Variants in DDX4 observed in about 807,000 individuals in gnomAD.
The protein encoded by DDX4 is DEAD-box helicase 4.
Under a neutral mutation model 100.0 loss-of-function variants are expected in DDX4, and 25 were observed. That is an observed-to-expected ratio of 0.25 (90% CI 0.18 to 0.35). DDX4 has a LOEUF of 0.35. DDX4 is among the 10% of genes least tolerant of loss of function. The probability of loss-of-function intolerance (pLI) is 1.00; values close to 1 mark genes in which losing one functional copy is unlikely to be tolerated. For synonymous variants in DDX4, 259 were observed against 275.7 expected (o/e 0.94, Z 0.60); for missense variants, 635 against 882.4 (o/e 0.72, Z 3.55).
intron 7 of DDX4, among the ~76,000 whole-genome samples, chr5:55,771,044 T>C (rs866003846): frequency 1.3e-5 from 2 of 152,198 alleles, no homozygotes; most frequent in Non-Finnish European, 1.5e-5. Context: ...TTTTGCAGGG[T>C]ATCCCTGATT....
At chr5:55,759,102 G>A (rs189923021) in intron 3 of DDX4, among the ~76,000 whole-genome samples, 226 of 151,826 alleles carry the variant, frequency 1.5e-3, no homozygotes, top group African/African-American at 5.3e-3. Context: ...TGTTGCCCAG[G>A]CTGGTCTCAA....
intron 18 of DDX4, among the ~76,000 whole-genome samples, chr5:55,807,451 T>C (rs1743806845): frequency 6.6e-6 from 1 of 152,224 alleles, no homozygotes; most frequent in Non-Finnish European, 1.5e-5. Flanking sequence ...GTTTTTGCAG[T>C]GGCTGGTACC....
intron 17 of DDX4, among the ~76,000 whole-genome samples, chr5:55,793,023 AGT>A (rs10551567): frequency 0.041 from 5,884 of 144,404 alleles, 268 homozygotes; most frequent in African/African-American, 0.12. Flanking sequence ...TTATTTAAAA[AGT>A]GTGTGTGTGT....
Position 55,786,647 on chromosome 5 carries a change from G to T in DDX4, c.994G>T (p.Ala332Ser). Residue 332 changes from alanine (A) to serine (S), a missense_variant, in exon 14 of 22, where the codon GCT becomes TCT. This residue lies in a region of DDX4 where 446 missense variants were observed against 540.8 expected (regional missense o/e 0.82). Transcript: ENST00000505374. The stretch of plus-strand genomic sequence containing the variant: ...TGCAGGACGAGATTTGATGGCTTGC[G>T]CTCAAACAGGGTCTGGGAAGACTGT... ...ILAGRDLMAC[A>S]QTGSGKTAAF... 6.2e-7 allele frequency: 1 copy of T among 1,613,214 alleles called. No individual in the cohort carries two copies. The highest frequency in any genetic ancestry group is 8.5e-7 in the Non-Finnish European group (1 of 1,179,332).
At chr5:55,770,783 G>C (rs2111885990) in intron 7 of DDX4, among the ~76,000 whole-genome samples, 1 of 152,142 alleles carries the variant, frequency 6.6e-6, no homozygotes. Context: ...AGAAAGTTAA[G>C]CTAAGAAAAA....
At chr5:55,781,222 A>G (rs1741892258) in intron 9 of DDX4, 76 bp downstream of exon 9, 3 of 1,219,030 alleles carry the variant, frequency 2.5e-6, no homozygotes, top group Admixed American at 4.4e-5. Flanking sequence ...AACCTAATAT[A>G]TATGTTAAAG....
intron 2 of DDX4, 118 bp from the exon 3 acceptor site, chr5:55,746,046 C>G (rs561482823): frequency 1.3e-5 from 10 of 741,096 alleles, no homozygotes; most frequent in Middle Eastern, 3.8e-4. Context: ...ACCTTACAGT[C>G]TATCATTATT....
At chr5:55,775,132 A>T (rs61552102) in intron 7 of DDX4, among the ~76,000 whole-genome samples, 36,047 of 152,016 alleles carry the variant, frequency 0.24, 4,779 homozygotes, top group East Asian at 0.43. Context: ...GTCCTGTCGT[A>T]TTTGGCTTAT....
intron 17 of DDX4, among the ~76,000 whole-genome samples, chr5:55,793,150 A>C (rs1742699985): frequency 6.6e-6 from 1 of 152,032 alleles, no homozygotes; most frequent in Non-Finnish European, 1.5e-5. Context: ...CCTTCTTTTC[A>C]AACCTAAATC....
At chr5:55,744,118 A>G (rs370896097) in intron 2 of DDX4, among the ~76,000 whole-genome samples, 2 of 152,286 alleles carry the variant, frequency 1.3e-5, no homozygotes, top group East Asian at 3.9e-4. Flanking sequence ...TGTGCCCTTA[A>G]TGATGACTCG....
At chr5:55,804,101 T>A (rs1743526582) in intron 18 of DDX4, among the ~76,000 whole-genome samples, 1 of 152,130 alleles carries the variant, frequency 6.6e-6, no homozygotes, top group Non-Finnish European at 1.5e-5. Context: ...CATGTGGTTT[T>A]TGGCTGCATA....
intron 18 of DDX4, among the ~76,000 whole-genome samples, chr5:55,813,216 A>T (rs907221468): frequency 2.0e-5 from 3 of 152,194 alleles, no homozygotes; most frequent in Non-Finnish European, 4.4e-5. Context: ...AACACTAATT[A>T]TATAGAGTTA....
chr5:55,740,292 C>T (rs1309981037), intron 2 of DDX4, among the ~76,000 whole-genome samples: 2 of 152,060 alleles, frequency 1.3e-5, no homozygotes, highest in East Asian at 3.8e-4. Context: ...GCCTCAACCT[C>T]CCTCAGCGAG....
At chr5:55,741,192 A>G (rs1294256455) in intron 2 of DDX4, among the ~76,000 whole-genome samples, 7 of 152,126 alleles carry the variant, frequency 4.6e-5, no homozygotes. Context: ...GTGCATATTT[A>G]TTGCATTGGG....
chr5:55,790,495 G>T (rs984283446), intron 15 of DDX4, 81 bp from the exon 16 acceptor site: 26 of 965,106 alleles, frequency 2.7e-5, no homozygotes, highest in Non-Finnish European at 3.5e-5. Context: ...TTTCTTTTTG[G>T]ATTTTGTTTT....
chr5:55,801,215 G>GTTTTT (rs760157665), intron 18 of DDX4, among the ~76,000 whole-genome samples: 2 of 103,502 alleles, frequency 1.9e-5, no homozygotes, highest in African/African-American at 3.3e-5. Context: ...ATGATGGGGT[G>GTTTTT]TTTTTTTTTT....
chr5:55,764,300 T>C (rs1456343681), intron 6 of DDX4, among the ~76,000 whole-genome samples: 2 of 152,132 alleles, frequency 1.3e-5, no homozygotes, highest in Admixed American at 6.5e-5. Context: ...AACTTTTGAA[T>C]GCTCTGAAAC....
At chr5:55,780,695 T>G (rs887705324) in intron 8 of DDX4, among the ~76,000 whole-genome samples, 1 of 152,234 alleles carries the variant, frequency 6.6e-6, no homozygotes, top group Non-Finnish European at 1.5e-5. Context: ...GAATAAGTAG[T>G]GAAATGATGC....
At chr5:55,762,582 G>C (rs779399738) in intron 4 of DDX4, among the ~76,000 whole-genome samples, 3 of 152,122 alleles carry the variant, frequency 2.0e-5, no homozygotes, top group Admixed American at 6.6e-5. Context: ...GAGTATTGGA[G>C]TTGTTTGGTG....
Sources: gnomAD v4.1 joint callset for allele counts (sites outside exome capture counted in the v4.1 genomes callset) on GRCh38, gnomAD v4.1.1 for gene constraint, gnomAD v4.1.1 regional missense constraint, MANE v1.5 for transcripts, NCBI Gene and HGNC (gene_info 2026-07-23, HGNC 2026-07-21) for gene names.